The following DEF6 variants were observed in gnomAD, a reference collection of about 807,000 sequenced individuals.
DEF6 encodes DEF6 guanine nucleotide exchange factor.
DEF6 carries 32 observed loss-of-function variants against 80.5 expected under a neutral mutation model. The observed-to-expected ratio is 0.40, with a 90% CI of 0.30 to 0.53. The LOEUF (loss-of-function observed/expected upper bound fraction) is 0.53, where lower values mean the gene tolerates loss of function less well. Among genes scored for constraint, DEF6 ranks in the 20% least tolerant of loss-of-function variants. DEF6 has a pLI of 0.57. For missense variants in DEF6, 575 were observed against 818.7 expected (o/e 0.70, Z 3.63); for synonymous variants, 300 against 337.9 (o/e 0.89, Z 1.23).
chr6:35,318,566 G>A lies in DEF6; in HGVS notation c.1215+95G>A. 1 of 1,235,742 alleles carries A rather than the reference G, an allele frequency of 8.1e-7. No homozygotes were observed. Among genetic ancestry groups the A allele is most frequent in the Non-Finnish European group, 1.0e-6 (1 of 961,156 alleles). 76.5% of individuals were successfully genotyped at this position (1,235,742 alleles called of 1,614,324 possible). Reference sequence around the variant, plus strand: ...GGGCGGGGCCTGGGCAGAGGGCGGAGCTCCTGGGTTGAGGGGCGTGCACTG... The same window carrying A: ...GGGCGGGGCCTGGGCAGAGGGCGGAACTCCTGGGTTGAGGGGCGTGCACTG... On this transcript the variant is annotated intron_variant, in intron 7 of 10. Transcript: ENST00000316637. This position sits in a 1 kb window ranked among gnomAD's most constrained non-coding sequence, Gnocchi z 5.1.
At chr6:35,303,782 A>C (rs536395814) in intron 1 of DEF6, among the ~76,000 whole-genome samples, 1 of 152,272 alleles carries the variant, frequency 6.6e-6, no homozygotes, top group African/African-American at 2.4e-5. Context: ...GGATCGCTTC[A>C]GCCCAGGAAT....
At chr6:35,304,495 GC>G (rs1344769594) in intron 1 of DEF6, among the ~76,000 whole-genome samples, 3 of 152,218 alleles carry the variant, frequency 2.0e-5, no homozygotes, top group Non-Finnish European at 4.4e-5. Context: ...GCAAGAATAT[GC>G]CTGACCTGCT....
intron 1 of DEF6, 150 bp downstream of exon 1, chr6:35,298,102 C>T: frequency 2.9e-6 from 2 of 690,560 alleles, no homozygotes; most frequent in Non-Finnish European, 2.5e-6. Flanking sequence ...TCCTGGGTAA[C>T]TGGGCCAACG....
chr6:35,301,412 A>C lies in DEF6; in HGVS notation c.96+3460A>C, dbSNP rs151163047. On this transcript the variant is annotated intron_variant, in intron 1 of 10. Coordinates refer to ENST00000316637, the MANE Select transcript of DEF6 (RefSeq NM_022047.4). ...CCATCTGGGTGACTTTAAGCAAGTC[A>C]CTGTCCATCTTCAGTTTCTCATCTA... Among the ~76,000 whole-genome samples, 328 of 152,346 alleles carry C rather than the reference A, an allele frequency of 2.2e-3. 2 individuals are homozygous for C. The highest frequency in any genetic ancestry group is 7.5e-3 in the African/African-American group (312 of 41,582).
In DEF6 at chr6:35,319,275, A is replaced by G. The variant is rs1190988563; in HGVS notation, c.1216-249A>G. 2.0e-5 allele frequency among the ~76,000 whole-genome samples: 3 copies of G among 151,960 alleles called. No homozygotes were observed. Among genetic ancestry groups the G allele is most frequent in the African/African-American group, 7.3e-5 (3 of 41,340 alleles). On this transcript the variant is annotated intron_variant, in intron 7 of 10. Coordinates refer to ENST00000316637, the MANE Select transcript of DEF6 (RefSeq NM_022047.4). The surrounding 1 kb of genome is among the most constrained non-coding windows in gnomAD (Gnocchi z 4.5). ...AATGTTGTTTAATTACATGTTATAT[A>G]ATTATGATTAAGGTTGGTACTAGGA...
intron 3 of DEF6, 73 bp downstream of exon 3, chr6:35,310,717 A>AGGTGGTTTGGT: frequency 3.3e-6 from 5 of 1,528,106 alleles, no homozygotes; most frequent in Non-Finnish European, 4.5e-6. Context: ...ATGAGACCAA[A>AGGTGGTTTGGT]CCACCTTTGG....
At chr6:35,303,321 C>T (rs542017180) in intron 1 of DEF6, among the ~76,000 whole-genome samples, 11 of 152,074 alleles carry the variant, frequency 7.2e-5, no homozygotes, top group South Asian at 2.1e-4. Context: ...TGTCCTGGGT[C>T]GGGGAGGGCA....
intron 1 of DEF6, among the ~76,000 whole-genome samples, chr6:35,303,273 A>G (rs1408554963): frequency 1.3e-5 from 2 of 152,230 alleles, no homozygotes; most frequent in African/African-American, 4.8e-5. Flanking sequence ...GGGCGACAGA[A>G]CTAAGCTCAA....
In DEF6 at chr6:35,312,499, C is replaced by T. The variant is rs563519848; in HGVS notation, c.621C>T (p.His207=). 45 of 1,614,172 alleles carry T rather than the reference C, an allele frequency of 2.8e-5. No homozygotes were observed. The highest frequency in any genetic ancestry group is 2.5e-4 in the East Asian group (11 of 44,882). Residue 207 remains histidine (H), a synonymous_variant, in exon 4 of 11, where the codon CAC becomes CAT. Transcript: ENST00000316637. The surrounding 1 kb of genome is among the most constrained non-coding windows in gnomAD (Gnocchi z 6.6). ...GGGACACCCTCAGCATGGCCATCCA[C>T]GAGGTCTACCAGGAGCTCATCCAAG... ...VGRDTLSMAI[H]EVYQELIQDV...
chr6:35,302,368 A>G (rs1320521231), intron 1 of DEF6, among the ~76,000 whole-genome samples: 1 of 152,064 alleles, frequency 6.6e-6, no homozygotes, highest in Non-Finnish European at 1.5e-5. Context: ...TAAAAAAAAA[A>G]AGTCAATTTA....
rs1200012772 is a variant in DEF6, at chr6:35,312,620, T to G, written c.661-6T>G. On this transcript the variant is annotated splice_polypyrimidine_tract_variant and splice_region_variant and intron_variant, in intron 4 of 10. Coordinates refer to ENST00000316637, the MANE Select transcript of DEF6 (RefSeq NM_022047.4). This position sits in a 1 kb window ranked among gnomAD's most constrained non-coding sequence, Gnocchi z 6.6. ...GGGAAGCCTCTGACGTAACTCCGGC[T>G]GGCAGGGCTACCTGTGGAAGCGAGG... 6.2e-7 allele frequency: 1 copy of G among 1,614,074 alleles called. No homozygotes were observed. Among genetic ancestry groups the G allele is most frequent in the African/African-American group, 1.3e-5 (1 of 74,920 alleles).
intron 1 of DEF6, among the ~76,000 whole-genome samples, chr6:35,307,133 C>T (rs1194344662): frequency 1.3e-5 from 2 of 152,234 alleles, no homozygotes; most frequent in Non-Finnish European, 2.9e-5. Flanking sequence ...CGCAGTGGCT[C>T]ACGCCCTGTA....
rs200254432 is a variant in DEF6 at position 35,312,467 on chromosome 6, G to A, written c.589G>A (p.Val197Met). The change falls in exon 4 of 11, where the codon GTG becomes ATG. Residue 197 changes from valine to methionine, a missense_variant. Coordinates refer to ENST00000316637, the MANE Select transcript of DEF6 (RefSeq NM_022047.4). The surrounding 1 kb of genome is among the most constrained non-coding windows in gnomAD (Gnocchi z 6.6). Reference sequence around the variant, plus strand: ...CAATTCGGGCCGCTGCCTGCGGGGCGTGGGCCGGGACACCCTCAGCATGGC... The same window carrying A: ...CAATTCGGGCCGCTGCCTGCGGGGCATGGGCCGGGACACCCTCAGCATGGC... ...LFNSGRCLRGVGRDTLSMAIH... is the reference protein window; with the variant it reads ...LFNSGRCLRGMGRDTLSMAIH... The A allele has an allele frequency of 1.1e-4, 171 of 1,614,058 alleles. 1 individual carries two copies. The African/African-American group carries it at 1.4e-3, about 14-fold the overall frequency.
rs371744858 is a variant in DEF6, at chr6:35,320,873, T to G, written c.1582-11T>G. The G allele has an allele frequency of 6.2e-7, 1 of 1,602,690 alleles. No homozygotes were observed. Among genetic ancestry groups the G allele is most frequent in the East Asian group, 2.3e-5 (1 of 44,248 alleles). On this transcript the variant is annotated splice_polypyrimidine_tract_variant and intron_variant, in intron 9 of 10. Transcript: ENST00000316637. The stretch of plus-strand genomic sequence containing the variant: ...GGTTCTGATCACTCCCCACTGGCCC[T>G]GTCCCCACAGGCTGCCCAGAGAAAA...
At chr6:35,303,177 C>G (rs1371569351) in intron 1 of DEF6, among the ~76,000 whole-genome samples, 1 of 152,178 alleles carries the variant, frequency 6.6e-6, no homozygotes, top group Non-Finnish European at 1.5e-5. Flanking sequence ...TATCTGACAG[C>G]ACGCGGGGGT....
At chr6:35,300,761 G>A (rs980414186) in intron 1 of DEF6, among the ~76,000 whole-genome samples, 8 of 152,266 alleles carry the variant, frequency 5.3e-5, no homozygotes, top group East Asian at 1.9e-4. Flanking sequence ...TCCCAGAACC[G>A]CCTCTAAAAA....
intron 5 of DEF6, among the ~76,000 whole-genome samples, chr6:35,315,543 ATTG>A (rs1177089414): frequency 6.6e-6 from 1 of 152,076 alleles, no homozygotes; most frequent in Non-Finnish European, 1.5e-5. Context: ...TTTGGGTAAT[ATTG>A]TTATTTTAAC....
chr6:35,309,520 A>G, intron 1 of DEF6, 150 bp from the exon 2 acceptor site: 1 of 818,330 alleles, frequency 1.2e-6, no homozygotes, highest in South Asian at 1.8e-5. Flanking sequence ...GGCACATAGT[A>G]TATAAGTTTT....
At chr6:35,300,556 T>A (rs1791301252) in intron 1 of DEF6, among the ~76,000 whole-genome samples, 1 of 152,220 alleles carries the variant, frequency 6.6e-6, no homozygotes, top group Admixed American at 6.5e-5. Flanking sequence ...TTGTTTCTCC[T>A]GGAAAAGAGA....
Sources: allele counts gnomAD v4.1 joint callset (sites outside exome capture counted in the v4.1 genomes callset), GRCh38; gene constraint gnomAD v4.1.1; non-coding constraint Gnocchi (gnomAD v3.1); transcripts MANE v1.5; gene names NCBI Gene and HGNC (gene_info 2026-07-23, HGNC 2026-07-21).